Variants in MLXIPL observed in about 807,000 individuals in gnomAD.
MLXIPL encodes the protein MLX interacting protein like.
In MLXIPL, 49 loss-of-function variants were observed where a neutral mutation model predicts 81.5. The ratio of observed to expected loss-of-function variants is 0.60; its 90% CI spans 0.48 to 0.76. MLXIPL has a LOEUF of 0.76. MLXIPL is among the 30% of genes least tolerant of loss of function. MLXIPL has a pLI of 0.00. For synonymous variants in MLXIPL, 466 were observed against 485.5 expected, an observed-to-expected ratio of 0.96 and a Z score of 0.53; for missense variants, 1,053 against 1,167.0, an observed-to-expected ratio of 0.90 and a Z score of 1.42.
upstream of MLXIPL, among the ~76,000 whole-genome samples, chr7:73,624,994 G>C (rs189641122): frequency 1.3e-5 from 2 of 152,234 alleles, no homozygotes; most frequent in Admixed American, 1.3e-4. Context: ...CCAGGAGTTC[G>C]ACAATATGGC....
At chr7:73,624,139 C>T in intron 1 of MLXIPL, 61 bp downstream of exon 1, 6 of 1,398,748 alleles carry the variant, frequency 4.3e-6, no homozygotes, top group South Asian at 4.1e-5. Context: ...AGTCCTGCCC[C>T]GGACCCCCCC....
Position 73,597,549 on chromosome 7 carries a change from TGGG to T in MLXIPL, c.1233_1235del (p.Pro414del). 2 of 866,396 alleles carry T rather than the reference TGGG, an allele frequency of 2.3e-6. 1 individual carries two copies. Among genetic ancestry groups the T allele is most frequent in the South Asian group, 8.9e-5 (2 of 22,480 alleles). 53.7% of individuals were successfully genotyped at this position (866,396 alleles called of 1,614,324 possible). ...GTGGTGCCATGGGAGGGAAGGGAGG[TGGG>T]GGGCAGGGCTCCAGGCCTGGCACCT... On this transcript the variant is annotated inframe_deletion, in exon 9 of 17. Coordinates refer to ENST00000313375, the MANE Select transcript of MLXIPL (RefSeq NM_032951.3).
rs1162300495 is a variant in MLXIPL, at chr7:73,623,750, G to C, written c.293+450C>G. Among the ~76,000 whole-genome samples the C allele has an allele frequency of 6.6e-6, 1 of 152,232 alleles. No individual in the cohort carries two copies. The highest frequency in any genetic ancestry group is 2.1e-4 in the South Asian group (1 of 4,826). ...ATCTCAGGGTCCAGGAATAGGGCGG[G>C]CTTGGGCCGGGGCTGCTGGGGAGAA... On this transcript the variant is annotated intron_variant, in intron 1 of 16. Transcript: ENST00000313375. This position sits in a 1 kb window ranked among gnomAD's most constrained non-coding sequence, Gnocchi z 5.7.
intron 8 of MLXIPL, among the ~76,000 whole-genome samples, 184 bp downstream of exon 8, chr7:73,599,342 C>T (rs190152351): frequency 1.2e-3 from 188 of 151,640 alleles, no homozygotes; most frequent in African/African-American, 4.2e-3. Flanking sequence ...CTCCCACAAC[C>T]GTTTTGTCCA....
chr7:73,594,842 C>T (rs1391393223), intron 15 of MLXIPL, among the ~76,000 whole-genome samples: 26 of 118,918 alleles, frequency 2.2e-4, no homozygotes, highest in South Asian at 3.1e-4. Flanking sequence ...CCACTGTGCT[C>T]GGACTTTTTT....
intron 1 of MLXIPL, among the ~76,000 whole-genome samples, chr7:73,617,027 T>C (rs1796046412): frequency 6.6e-6 from 1 of 152,000 alleles, no homozygotes; most frequent in African/African-American, 2.4e-5. Flanking sequence ...GGTTTGCTTT[T>C]GGTTTTGAGA....
the MLXIPL span, among the ~76,000 whole-genome samples, chr7:73,633,928 G>A: frequency 6.6e-6 from 1 of 152,178 alleles, no homozygotes; most frequent in Non-Finnish European, 1.5e-5. Flanking sequence ...GGGAGATGAT[G>A]TATCAGGCCT....
At chr7:73,605,075 G>A (rs1795172860) in intron 7 of MLXIPL, among the ~76,000 whole-genome samples, 1 of 152,068 alleles carries the variant, frequency 6.6e-6, no homozygotes, top group African/African-American at 2.4e-5. Context: ...CTAGCAAATA[G>A]TTTTAAAATG....
At chr7:73,639,137 T>G in the MLXIPL span, among the ~76,000 whole-genome samples, 1 of 152,154 alleles carries the variant, frequency 6.6e-6, no homozygotes, top group South Asian at 2.1e-4. Flanking sequence ...AAACTTCCCC[T>G]TCTGTACCAC....
chr7:73,633,131 A>G, the MLXIPL span, among the ~76,000 whole-genome samples: 3 of 140,824 alleles, frequency 2.1e-5, no homozygotes, highest in African/African-American at 8.1e-5. Flanking sequence ...CCCAGGCTGG[A>G]GTGCAGTGGC....
chr7:73,646,001 T>C, the MLXIPL span, among the ~76,000 whole-genome samples: 3 of 152,204 alleles, frequency 2.0e-5, no homozygotes, highest in Non-Finnish European at 2.9e-5. Flanking sequence ...TCTTCTCCTA[T>C]CTGAACAGCA....
At chr7:73,607,274 G>A in intron 4 of MLXIPL, 57 bp downstream of exon 4, 1 of 1,505,968 alleles carries the variant, frequency 6.6e-7, no homozygotes, top group Non-Finnish European at 9.0e-7. Context: ...GAGGCGGGCG[G>A]TAGCCGGCAG....
upstream of MLXIPL, among the ~76,000 whole-genome samples, chr7:73,626,252 A>C (rs1404790420): frequency 6.6e-6 from 1 of 151,720 alleles, no homozygotes; most frequent in African/African-American, 2.4e-5. Context: ...CGATTTGCCC[A>C]CCTCAGCCTC....
At chr7:73,646,222 G>A in the MLXIPL span, among the ~76,000 whole-genome samples, 4 of 152,172 alleles carry the variant, frequency 2.6e-5, no homozygotes, top group Admixed American at 1.3e-4. Context: ...TACCCAGGGA[G>A]GGCCATTGCC....
chr7:73,619,024 G>A lies in MLXIPL; in HGVS notation c.294-2847C>T, dbSNP rs191578767. On this transcript the variant is annotated intron_variant, in intron 1 of 16. Transcript: ENST00000313375. ...CCTGGAGGAAGAGCGTAACGCTAGG[G>A]TTCAAGAACTTTTTATGACTGGCTG... Among the ~76,000 whole-genome samples the A allele has an allele frequency of 1.9e-3, 292 of 152,232 alleles. 2 individuals carry two copies. In the Middle Eastern group the frequency reaches 0.02, roughly 11 times the overall value.
At chr7:73,632,070 C>T in the MLXIPL span, among the ~76,000 whole-genome samples, 5 of 151,788 alleles carry the variant, frequency 3.3e-5, no homozygotes, top group African/African-American at 1.2e-4. Flanking sequence ...ATGGCTTACT[C>T]TAGCCTCAAA....
intron 9 of MLXIPL, 73 bp downstream of exon 9, chr7:73,597,109 C>T (rs1003982657): frequency 1.1e-5 from 17 of 1,506,414 alleles, no homozygotes; most frequent in Non-Finnish European, 1.5e-5. Flanking sequence ...ATCTTCTGCT[C>T]CCAAAACCCC....
upstream of MLXIPL, among the ~76,000 whole-genome samples, chr7:73,627,430 G>A (rs978040888): frequency 4.6e-5 from 7 of 151,942 alleles, no homozygotes; most frequent in African/African-American, 1.7e-4. Context: ...TGTATTTTTA[G>A]TAGAGATGGG....
chr7:73,644,714 A>G, the MLXIPL span, among the ~76,000 whole-genome samples: 8 of 152,274 alleles, frequency 5.3e-5, no homozygotes, highest in South Asian at 1.7e-3. Context: ...TCAGAGAACC[A>G]GGAGCTGTAG....
Sources: gnomAD v4.1 joint callset for allele counts (sites outside exome capture counted in the v4.1 genomes callset) on GRCh38, gnomAD v4.1.1 for gene constraint, Gnocchi (gnomAD v3.1) non-coding constraint, MANE v1.5 for transcripts, NCBI Gene and HGNC (gene_info 2026-07-23, HGNC 2026-07-21) for gene names.